Variants in EVC2 observed in about 807,000 individuals in gnomAD.
The protein encoded by EVC2 is limbin.
A neutral mutation model predicts 149.3 loss-of-function variants in EVC2; 148 were observed. The observed-to-expected ratio is 0.99, with a 90% confidence interval of 0.87 to 1.14. The LOEUF is 1.14. Ranked by LOEUF, EVC2 falls within the 50% of genes most tolerant of loss-of-function variation. The pLI, the probability that EVC2 is intolerant of heterozygous loss-of-function variation, is 0.00. For synonymous variants in EVC2, 776 were observed against 649.9 expected (o/e 1.19, Z -2.95); for missense variants, 1,854 against 1,627.3 (o/e 1.14, Z -2.40).
chr4:5,640,920 C>A lies in EVC2; in HGVS notation c.1146-82G>T. 1 of 1,507,222 alleles carries A rather than the reference C, an allele frequency of 6.6e-7. No individual in the cohort carries two copies. Among genetic ancestry groups the A allele is most frequent in the Non-Finnish European group, 9.2e-7 (1 of 1,088,058 alleles). 93.4% of individuals were successfully genotyped at this position (1,507,222 alleles called of 1,614,324 possible). A position where few individuals can be genotyped will look rare whatever the true frequency, so the allele number is the denominator to read the frequency against. On this transcript the variant is annotated intron_variant, in intron 9 of 21. Transcript: ENST00000344408. The surrounding 1 kb of genome is among the most constrained non-coding windows in gnomAD (Gnocchi z 4.6). ...AGGTCTTTCAAAGCTCTGAGGTTTT[C>A]ATTTATGTGTAGGCAAGGGCTTTCT... is the stretch of plus-strand genomic sequence containing the variant.
rs547342982 is a variant in EVC2 at position 5,701,389 on chromosome 4, C to T, written c.229-3742G>A. Among the ~76,000 whole-genome samples, 15 of 152,320 alleles carry T rather than the reference C, an allele frequency of 9.8e-5. No individual in the cohort carries two copies. In the South Asian group the frequency reaches 2.7e-3, roughly 27 times the overall value. ...TATCCACAGGTTCCAGGGGTCTGGA[C>T]GTGGGCATCTTGGGGAGCCATTATT... On this transcript the variant is annotated intron_variant, in intron 1 of 21. Transcript: ENST00000344408.
rs981099037 is a variant in EVC2 at position 5,618,532 on chromosome 4, C to T, written c.2652G>A (p.Trp884Ter). Reference sequence around the variant, plus strand: ...CCAGCTTCACGAACTCTGCTTCTCGCCACGCAGTCTGAAATTGCTGCAGCA... The same window carrying T: ...CCAGCTTCACGAACTCTGCTTCTCGTCACGCAGTCTGAAATTGCTGCAGCA... Reference protein sequence around the residue: ...RVLLQQFQTAWREAEFVKLDQ... With the variant: ...RVLLQQFQTA Residue 884 changes from tryptophan to a stop codon, truncating the protein, a stop_gained, in exon 15 of 22, where the codon TGG becomes TGA. Coordinates refer to ENST00000344408, the MANE Select transcript of EVC2 (RefSeq NM_147127.5). LOFTEE classifies it high-confidence loss of function. This position sits in a 1 kb window ranked among gnomAD's most constrained non-coding sequence, Gnocchi z 4.4. The T allele has an allele frequency of 6.2e-7, 1 of 1,614,074 alleles. No individual in the cohort carries two copies. The highest frequency in any genetic ancestry group is 8.5e-7 in the Non-Finnish European group (1 of 1,180,032).
rs1482604212 is a variant in EVC2 at position 5,686,493 on chromosome 4, T to G, written c.707-1014A>C. ...AGTGATTTCATCACTCTCCACGTGC[T>G]GCACCTGCATTAACCCAGCTGATCT... On this transcript the variant is annotated intron_variant, in intron 5 of 21. Transcript: ENST00000344408. The surrounding 1 kb of genome is among the most constrained non-coding windows in gnomAD (Gnocchi z 5.4). 3.9e-5 allele frequency among the ~76,000 whole-genome samples: 6 copies of G among 152,208 alleles called. No homozygotes were observed. Among genetic ancestry groups the G allele is most frequent in the African/African-American group, 1.4e-4 (6 of 41,448 alleles).
At chr4:5,565,944 C>T (rs749654147) in intron 20 of EVC2, among the ~76,000 whole-genome samples, 2 of 152,162 alleles carry the variant, frequency 1.3e-5, no homozygotes, top group Non-Finnish European at 1.5e-5. Context: ...GGGGCACTCA[C>T]GAAGGAATGG....
At chr4:5,705,789 G>GA (rs1722093845) in intron 1 of EVC2, among the ~76,000 whole-genome samples, 1 of 152,082 alleles carries the variant, frequency 6.6e-6, no homozygotes, top group South Asian at 2.1e-4. Context: ...GTATTACTGT[G>GA]AAAATAGCTG....
intron 8 of EVC2, among the ~76,000 whole-genome samples, chr4:5,664,973 G>A (rs1372399901): frequency 6.7e-6 from 1 of 149,024 alleles, no homozygotes; most frequent in Non-Finnish European, 1.5e-5. Context: ...TGGGGTGCGT[G>A]TGGGTGACAG....
At chr4:5,553,557 G>T (rs1721779941) in intron 21 of EVC2, among the ~76,000 whole-genome samples, 1 of 152,176 alleles carries the variant, frequency 6.6e-6, no homozygotes, top group African/African-American at 2.4e-5. Context: ...GGTGGAGGTA[G>T]GCAGGAACAT....
intron 1 of EVC2, among the ~76,000 whole-genome samples, chr4:5,697,987 G>A (rs531817516): frequency 6.6e-5 from 10 of 151,996 alleles, no homozygotes; most frequent in Non-Finnish European, 1.2e-4. Flanking sequence ...TCCTGACCTC[G>A]TGATCCGCCT....
Position 5,624,630 on chromosome 4 carries a change from C to T in EVC2, c.2046+1119G>A, listed in dbSNP as rs922464371. Among the ~76,000 whole-genome samples, 3 of 152,274 alleles carry T rather than the reference C, an allele frequency of 2.0e-5. No homozygotes were observed. In the East Asian group the frequency reaches 5.8e-4, roughly 29 times the overall value. ...TCTCCTATAGGATGTGGAGTCTATCCTTCTTTCTAGACACTTACCTTGGAT... is the reference window on the plus strand; with the variant it reads ...TCTCCTATAGGATGTGGAGTCTATCTTTCTTTCTAGACACTTACCTTGGAT... On this transcript the variant is annotated intron_variant, in intron 13 of 21. Coordinates refer to ENST00000344408, the MANE Select transcript of EVC2 (RefSeq NM_147127.5).
chr4:5,628,857 A>C (rs976640394), intron 11 of EVC2, 123 bp from the exon 12 acceptor site: 9 of 1,024,632 alleles, frequency 8.8e-6, no homozygotes, highest in Non-Finnish European at 1.3e-5. Flanking sequence ...AAACATGAGA[A>C]TTAACACCTT....
exon 22 of EVC2, chr4:5,543,079 G>A: frequency 8.3e-7 from 1 of 1,210,302 alleles, no homozygotes; most frequent in Non-Finnish European, 1.1e-6. Context: ...CGATTGCACT[G>A]CTCAGTCCGA....
At chr4:5,642,181 C>A (rs893629925) in intron 9 of EVC2, among the ~76,000 whole-genome samples, 1 of 152,170 alleles carries the variant, frequency 6.6e-6, no homozygotes, top group Non-Finnish European at 1.5e-5. Flanking sequence ...TCCAGTCTAT[C>A]ATCGATGGGC....
chr4:5,664,952 T>TGTGTGGGTGATGGGGTGC (rs930761769), intron 8 of EVC2, among the ~76,000 whole-genome samples: 59 of 139,824 alleles, frequency 4.2e-4, no homozygotes, highest in African/African-American at 1.5e-3. Flanking sequence ...TGATGGGGTG[T>TGTGTGGGTGATGGGGTGC]GTGTGGGTGA....
At chr4:5,600,347 T>A (rs1323746938) in intron 16 of EVC2, among the ~76,000 whole-genome samples, 2 of 152,220 alleles carry the variant, frequency 1.3e-5, no homozygotes, top group African/African-American at 4.8e-5. Context: ...TAGGATTTCT[T>A]TCAAGTTGCA....
chr4:5,697,797 G>A (rs1721576729), intron 1 of EVC2, 150 bp from the exon 2 acceptor site: 1 of 691,654 alleles, frequency 1.4e-6, no homozygotes, highest in Non-Finnish European at 2.5e-6. Context: ...CCAGGCTGCA[G>A]TGCAGTGGCG....
rs188161750 is a variant in EVC2 at position 5,568,673 on chromosome 4, C to T, written c.3361-33G>A. On this transcript the variant is annotated intron_variant, in intron 19 of 21. Transcript: ENST00000344408. ...AAACAACAGAGGGAGTTCAGACCCTCGCCGCCTCTCAACTTGAACCATCAT... is the reference window on the plus strand; with the variant it reads ...AAACAACAGAGGGAGTTCAGACCCTTGCCGCCTCTCAACTTGAACCATCAT... 490 of 1,590,980 alleles carry T rather than the reference C, an allele frequency of 3.1e-4. 1 individual carries two copies. The highest frequency in any genetic ancestry group is 2.0e-3 in the Middle Eastern group (12 of 5,974).
chr4:5,570,629 G>A (rs143235652), intron 19 of EVC2, among the ~76,000 whole-genome samples: 11 of 152,280 alleles, frequency 7.2e-5, no homozygotes, highest in African/African-American at 1.7e-4. Flanking sequence ...ATTCGATCCA[G>A]CAGTCCCACT....
intron 16 of EVC2, among the ~76,000 whole-genome samples, chr4:5,599,072 T>C (rs367660491): frequency 2.8e-4 from 42 of 151,892 alleles, no homozygotes; most frequent in Admixed American, 5.2e-4. Flanking sequence ...CAGGAAACAA[T>C]AGGTGCTGGA....
chr4:5,616,207 C>T (rs75465209), intron 15 of EVC2, among the ~76,000 whole-genome samples: 6,703 of 152,240 alleles, frequency 0.044, 467 homozygotes, highest in African/African-American at 0.15. Flanking sequence ...TTCCCTCTCC[C>T]CTGAGAACTT....
Sources: gnomAD v4.1 joint callset for allele counts (sites outside exome capture counted in the v4.1 genomes callset) on GRCh38, gnomAD v4.1.1 for gene constraint, Gnocchi (gnomAD v3.1) non-coding constraint, MANE v1.5 for transcripts, NCBI Gene and HGNC (gene_info 2026-07-23, HGNC 2026-07-21) for gene names.